The following NUDCD3 variants were observed in gnomAD, a reference collection of about 807,000 sequenced individuals.
The protein encoded by NUDCD3 is nudC domain-containing protein 3.
NUDCD3 carries 13 observed loss-of-function variants against 39.7 expected under a neutral mutation model. The ratio of observed to expected loss-of-function variants is 0.33; its 90% CI spans 0.21 to 0.52. The LOEUF (loss-of-function observed/expected upper bound fraction) is 0.52. Among genes scored for constraint, NUDCD3 ranks in the 20% least tolerant of loss-of-function variants. The pLI is 0.96. For synonymous variants in NUDCD3, 175 were observed against 172.4 expected (o/e 1.02, Z -0.12); for missense variants, 453 against 458.1 (o/e 0.99, Z 0.10).
intron 2 of NUDCD3, chr7:44,468,330 T>C: frequency 3.3e-6 from 3 of 920,350 alleles, no homozygotes; most frequent in Non-Finnish European, 4.2e-6. Flanking sequence ...GTTTTCTGTT[T>C]AAATAAATGT....
chr7:44,394,110 G>A (rs1481981465), intron 4 of NUDCD3, among the ~76,000 whole-genome samples: 1 of 152,242 alleles, frequency 6.6e-6, no homozygotes, highest in Non-Finnish European at 1.5e-5. Context: ...GTGCGGGAGA[G>A]CACACAGTGG....
intron 4 of NUDCD3, among the ~76,000 whole-genome samples, chr7:44,399,964 G>T (rs1798691665): frequency 6.6e-6 from 1 of 152,112 alleles, no homozygotes; most frequent in Non-Finnish European, 1.5e-5. Flanking sequence ...GTCAATACAT[G>T]AAGAAGTGTA....
intron 3 of NUDCD3, among the ~76,000 whole-genome samples, chr7:44,411,757 G>C (rs926305980): frequency 1.3e-5 from 2 of 152,204 alleles, no homozygotes; most frequent in Non-Finnish European, 2.9e-5. Flanking sequence ...GTTAATTATA[G>C]AGGTACCACA....
At chr7:44,454,862 A>G (rs992998587) in intron 2 of NUDCD3, among the ~76,000 whole-genome samples, 2 of 152,008 alleles carry the variant, frequency 1.3e-5, no homozygotes, top group Non-Finnish European at 1.5e-5. Flanking sequence ...TAAGCCCAGG[A>G]GGTCGAGGCT....
At chr7:44,427,477 T>C (rs1799258421) in intron 3 of NUDCD3, 94 bp downstream of exon 3, 1 of 1,416,456 alleles carries the variant, frequency 7.1e-7, no homozygotes, top group African/African-American at 1.4e-5. Context: ...AAAGCCGATC[T>C]CAACACTCCC....
chr7:44,420,436 A>AT (rs1799115294), intron 3 of NUDCD3, among the ~76,000 whole-genome samples: 1 of 152,336 alleles, frequency 6.6e-6, no homozygotes, highest in African/African-American at 2.4e-5. Context: ...TCATGATATT[A>AT]TCCAGGAGAA....
At chr7:44,463,819 A>G (rs1434266103) in intron 2 of NUDCD3, among the ~76,000 whole-genome samples, 1 of 152,104 alleles carries the variant, frequency 6.6e-6, no homozygotes, top group African/African-American at 2.4e-5. Flanking sequence ...TTTTTACTAA[A>G]TAAAAAAAAA....
chr7:44,479,838 G>A (rs1416395885), intron 2 of NUDCD3, among the ~76,000 whole-genome samples: 1 of 152,196 alleles, frequency 6.6e-6, no homozygotes, highest in Non-Finnish European at 1.5e-5. Context: ...GGAGGACTTG[G>A]GGTGCAGCTA....
intron 2 of NUDCD3, among the ~76,000 whole-genome samples, chr7:44,455,580 T>C (rs1799875889): frequency 6.6e-6 from 1 of 152,138 alleles, no homozygotes. Flanking sequence ...TGACAGCTCA[T>C]GTGAGTATGC....
intron 1 of NUDCD3, among the ~76,000 whole-genome samples, chr7:44,488,756 T>C (rs535902437): frequency 2.6e-5 from 4 of 152,294 alleles, no homozygotes; most frequent in Non-Finnish European, 4.4e-5. Flanking sequence ...CCTCCATCCC[T>C]GCTCCCCATC....
chr7:44,467,543 G>A lies in NUDCD3; in HGVS notation c.509+17425C>T, dbSNP rs114266242. Among the ~76,000 whole-genome samples the A allele has an allele frequency of 4.4e-3, 672 of 152,242 alleles. 7 individuals are homozygous for A. Among genetic ancestry groups the A allele is most frequent in the African/African-American group, 0.015 (627 of 41,530 alleles). On this transcript the variant is annotated intron_variant, in intron 2 of 5. Transcript: ENST00000355451. The stretch of plus-strand genomic sequence containing the variant: ...GATCAAGGGACAAGTCAGAGGTGGA[G>A]CTCTTTGATCAAGGGGCAGGTCAGA...
chr7:44,410,355 T>C (rs1039959934), intron 3 of NUDCD3, among the ~76,000 whole-genome samples: 35 of 152,146 alleles, frequency 2.3e-4, no homozygotes, highest in Non-Finnish European at 1.0e-4. Flanking sequence ...TACAGATCAA[T>C]GGAACAGAAT....
In NUDCD3 at chr7:44,485,297, A is replaced by C; in HGVS notation, c.193-13T>G. On this transcript the variant is annotated splice_polypyrimidine_tract_variant and intron_variant, in intron 1 of 5. Transcript: ENST00000355451. ...AGGTTTTGAATACCTAAAATCAAAC[A>C]CCAATCCAGCAATCAGTTCATCTGC... The C allele has an allele frequency of 6.3e-7, 1 of 1,592,098 alleles. No homozygotes were observed. The highest frequency in any genetic ancestry group is 8.6e-7 in the Non-Finnish European group (1 of 1,165,974).
chr7:44,477,039 A>G (rs1296118141), intron 2 of NUDCD3, among the ~76,000 whole-genome samples: 1 of 152,162 alleles, frequency 6.6e-6, no homozygotes, highest in African/African-American at 2.4e-5. Flanking sequence ...CCTTCCCAAG[A>G]AGCACCGAGG....
intron 2 of NUDCD3, among the ~76,000 whole-genome samples, chr7:44,468,809 G>C (rs113496141): frequency 6.6e-6 from 1 of 152,042 alleles, no homozygotes; most frequent in Non-Finnish European, 1.5e-5. Context: ...AGAAGTGCTC[G>C]AAAAATGATG....
At position 44,487,400 on chromosome 7, in the gene NUDCD3, T is replaced by G. The variant is rs570387409; in HGVS notation, c.193-2116A>C. 2.0e-5 allele frequency among the ~76,000 whole-genome samples: 3 copies of G among 151,016 alleles called. No homozygotes were observed. The East Asian group carries it at 5.8e-4, about 29-fold the overall frequency. ...CAGCAGAGACACCAAGCATCCCACA[T>G]CTGGTGGGGGTGGAGAGGCAGACCC... On this transcript the variant is annotated intron_variant, in intron 1 of 5. Transcript: ENST00000355451.
chr7:44,431,799 A>C (rs966294705), intron 2 of NUDCD3, among the ~76,000 whole-genome samples: 1 of 151,312 alleles, frequency 6.6e-6, no homozygotes, highest in Non-Finnish European at 1.5e-5. Context: ...CAATCTCCAG[A>C]GTAGCTGGGA....
rs1357171707 is a variant in NUDCD3 at position 44,382,365 on chromosome 7, A to G, written c.*3646T>C. On this transcript the variant is annotated 3_prime_UTR_variant, in exon 6 of 6. Coordinates refer to ENST00000355451, the MANE Select transcript of NUDCD3 (RefSeq NM_015332.4). ...AAAAAGGTAAAATTAACAAATCCAT[A>G]TTAGTGTGAGCTGGGTGAGTAGTTT... 3 of 152,270 alleles carry G rather than the reference A, an allele frequency of 2.0e-5. No individual in the cohort carries two copies. The highest frequency in any genetic ancestry group is 2.9e-5 in the Non-Finnish European group (2 of 68,050). The allele number at this position is 152,270 out of a possible 1,614,324, so 9.4% of individuals were successfully genotyped here. A position where few individuals can be genotyped will look rare whatever the true frequency, so the allele number is the denominator to read the frequency against.
At chr7:44,412,167 T>C (rs1035458410) in intron 3 of NUDCD3, among the ~76,000 whole-genome samples, 6 of 152,128 alleles carry the variant, frequency 3.9e-5, no homozygotes, top group African/African-American at 1.2e-4. Flanking sequence ...TACCAAACAA[T>C]AAATAAGATG....
Sources: allele counts gnomAD v4.1 joint callset (sites outside exome capture counted in the v4.1 genomes callset), GRCh38; gene constraint gnomAD v4.1.1; transcripts MANE v1.5; gene names NCBI Gene and HGNC (gene_info 2026-07-23, HGNC 2026-07-21).